The following ARHGEF26 variants were observed in gnomAD, a reference collection of about 807,000 sequenced individuals.
The protein encoded by ARHGEF26 is Rho guanine nucleotide exchange factor (GEF) 26.
A neutral mutation model predicts 89.4 loss-of-function variants in ARHGEF26; 59 were observed. That is an observed-to-expected ratio of 0.66 (90% CI 0.54 to 0.82). The LOEUF (loss-of-function observed/expected upper bound fraction) is 0.82, where lower values mean the gene tolerates loss of function less well. Among genes scored for constraint, ARHGEF26 ranks in the 40% least tolerant of loss-of-function variants. The pLI is 0.00. For missense variants in ARHGEF26, 1,234 were observed against 1,085.6 expected (o/e 1.14, Z -1.92); for synonymous variants, 500 against 428.4 (o/e 1.17, Z -2.06).
Position 154,140,683 on chromosome 3 carries a change from C to T in ARHGEF26, c.1270-8706C>T, listed in dbSNP as rs116448073. Among the ~76,000 whole-genome samples, 1,092 of 150,496 alleles carry T rather than the reference C, an allele frequency of 7.3e-3. 14 individuals are homozygous for T. The highest frequency in any genetic ancestry group is 0.025 in the African/African-American group (1,042 of 40,930). On this transcript the variant is annotated intron_variant, in intron 4 of 14. Coordinates refer to ENST00000465093, the MANE Select transcript of ARHGEF26 (RefSeq NM_015595.4). The stretch of plus-strand genomic sequence containing the variant: ...CACTGCAACCTCCGCCTCCCATAAG[C>T]GATTCTTCTGCCTCAGCCTCCTGAG...
Position 154,256,526 on chromosome 3 carries a change from C to T in ARHGEF26, c.*1053C>T. 1 of 960,356 alleles carries T rather than the reference C, an allele frequency of 1.0e-6. No individual in the cohort carries two copies. Among genetic ancestry groups the T allele is most frequent in the Non-Finnish European group, 1.2e-6 (1 of 811,012 alleles). 59.5% of individuals were successfully genotyped at this position (960,356 alleles called of 1,614,324 possible). ...GGGATTATAGGCATGAGCCACCGTG[C>T]CCAGCCTACTTTCTAATTAATTAAA... On this transcript the variant is annotated 3_prime_UTR_variant, in exon 15 of 15. Coordinates refer to ENST00000465093, the MANE Select transcript of ARHGEF26 (RefSeq NM_015595.4).
intron 11 of ARHGEF26, among the ~76,000 whole-genome samples, chr3:154,237,184 A>C (rs1190140744): frequency 6.6e-6 from 1 of 152,186 alleles, no homozygotes; most frequent in Non-Finnish European, 1.5e-5. Flanking sequence ...CAATTAATAA[A>C]CATTTTAAAA....
chr3:154,139,129 T>C (rs934479525), intron 4 of ARHGEF26, among the ~76,000 whole-genome samples: 4 of 151,862 alleles, frequency 2.6e-5, no homozygotes, highest in Non-Finnish European at 1.5e-5. Context: ...GAGTCTCAGG[T>C]AGAGAAAATG....
chr3:154,221,972 G>GC (rs1716158940), intron 10 of ARHGEF26, among the ~76,000 whole-genome samples: 1 of 152,152 alleles, frequency 6.6e-6, no homozygotes, highest in Non-Finnish European at 1.5e-5. Context: ...AATATTGGTT[G>GC]CAAATTTACT....
intron 3 of ARHGEF26, among the ~76,000 whole-genome samples, chr3:154,126,733 C>G (rs1340998673): frequency 1.3e-5 from 2 of 152,194 alleles, no homozygotes; most frequent in African/African-American, 2.4e-5. Context: ...ACTGTGGCCA[C>G]TAGACATACC....
chr3:154,251,356 C>T (rs1300133566), intron 12 of ARHGEF26, among the ~76,000 whole-genome samples: 1 of 152,208 alleles, frequency 6.6e-6, no homozygotes, highest in African/African-American at 2.4e-5. Flanking sequence ...TTATTTAGAA[C>T]AAGGCCCAAT....
chr3:154,256,616 T>C lies in ARHGEF26; in HGVS notation c.*1143T>C. 8.9e-7 allele frequency: 1 copy of C among 1,119,218 alleles called. No homozygotes were observed. Among genetic ancestry groups the C allele is most frequent in the South Asian group, 4.5e-5 (1 of 22,448 alleles). 69.3% of individuals were successfully genotyped at this position (1,119,218 alleles called of 1,614,324 possible). Reference sequence around the variant, plus strand: ...TGATAAAAAACTGACGTGAGGCTGCTTTGCCTTCAATAATACCTAGTTTTC... The same window carrying C: ...TGATAAAAAACTGACGTGAGGCTGCCTTGCCTTCAATAATACCTAGTTTTC... On this transcript the variant is annotated 3_prime_UTR_variant, in exon 15 of 15. Coordinates refer to ENST00000465093, the MANE Select transcript of ARHGEF26 (RefSeq NM_015595.4).
chr3:154,195,834 G>A (rs146128800), intron 9 of ARHGEF26, among the ~76,000 whole-genome samples: 32 of 152,096 alleles, frequency 2.1e-4, no homozygotes, highest in Non-Finnish European at 4.4e-5. Context: ...TACTTAGGGA[G>A]ACTGGAATGA....
chr3:154,227,217 C>G (rs551909506), intron 11 of ARHGEF26, among the ~76,000 whole-genome samples: 1 of 151,806 alleles, frequency 6.6e-6, no homozygotes, highest in Admixed American at 6.6e-5. Flanking sequence ...TAGGAAAATT[C>G]TATTTCCATA....
At chr3:154,234,892 A>T (rs915884164) in intron 11 of ARHGEF26, among the ~76,000 whole-genome samples, 5 of 152,094 alleles carry the variant, frequency 3.3e-5, no homozygotes, top group African/African-American at 1.2e-4. Context: ...CAGCCTCCTG[A>T]GTAGCTGGGA....
chr3:154,152,203 T>C (rs1720064651), intron 5 of ARHGEF26, among the ~76,000 whole-genome samples: 1 of 152,192 alleles, frequency 6.6e-6, no homozygotes, highest in South Asian at 2.1e-4. Context: ...ATTCCTGTGG[T>C]TGATAAGAAC....
intron 2 of ARHGEF26, among the ~76,000 whole-genome samples, chr3:154,123,481 T>C (rs747812823): frequency 2.0e-5 from 3 of 152,220 alleles, no homozygotes; most frequent in African/African-American, 7.2e-5. Context: ...ATAGCTGTTA[T>C]CACAGCTGAT....
intron 9 of ARHGEF26, among the ~76,000 whole-genome samples, chr3:154,198,734 G>GGA (rs374352267): frequency 6.6e-6 from 1 of 152,106 alleles, no homozygotes. Flanking sequence ...GGGAGAAGGG[G>GGA]GAAAAGGGCT....
intron 8 of ARHGEF26, among the ~76,000 whole-genome samples, chr3:154,191,768 G>A (rs1713972822): frequency 6.6e-6 from 1 of 152,004 alleles, no homozygotes; most frequent in South Asian, 2.1e-4. Flanking sequence ...AGTCTCTTTG[G>A]GCCTAAGATT....
intron 5 of ARHGEF26, among the ~76,000 whole-genome samples, chr3:154,151,220 A>G (rs1047773343): frequency 2.0e-5 from 3 of 152,218 alleles, no homozygotes; most frequent in Non-Finnish European, 4.4e-5. Flanking sequence ...AGCCAAATGC[A>G]TGAGACATTA....
At position 154,176,909 on chromosome 3, in the gene ARHGEF26, G is replaced by A. The variant is rs556063319; in HGVS notation, c.1488-10776G>A. ...TCCTCTTGCCTCAGTCTCCTGAATA[G>A]CTAAAATTATAGGCATACACCTCTG... is the stretch of plus-strand genomic sequence containing the variant. On this transcript the variant is annotated intron_variant, in intron 6 of 14. Coordinates refer to ENST00000465093, the MANE Select transcript of ARHGEF26 (RefSeq NM_015595.4). Among the ~76,000 whole-genome samples the A allele has an allele frequency of 3.7e-3, 561 of 152,278 alleles. 1 individual carries two copies. Among genetic ancestry groups the A allele is most frequent in the Non-Finnish European group, 5.4e-3 (369 of 68,016 alleles).
intron 9 of ARHGEF26, 43 bp from the exon 10 acceptor site, chr3:154,217,826 C>G: frequency 6.8e-7 from 1 of 1,466,946 alleles, no homozygotes; most frequent in Non-Finnish European, 9.4e-7. Context: ...AGTGAGGTTT[C>G]TCTCCTTGAC....
intron 10 of ARHGEF26, among the ~76,000 whole-genome samples, chr3:154,225,087 T>G (rs1716401865): frequency 6.6e-6 from 1 of 152,094 alleles, no homozygotes; most frequent in Non-Finnish European, 1.5e-5. Context: ...GGGTAAGGAT[T>G]GTTCTGTAGT....
At chr3:154,182,414 A>G (rs1361573962) in intron 6 of ARHGEF26, among the ~76,000 whole-genome samples, 1 of 152,166 alleles carries the variant, frequency 6.6e-6, no homozygotes, top group African/African-American at 2.4e-5. Flanking sequence ...CTGTAAACCA[A>G]TATTTGATCA....
Sources: allele counts gnomAD v4.1 joint callset (sites outside exome capture counted in the v4.1 genomes callset), GRCh38; gene constraint gnomAD v4.1.1; transcripts MANE v1.5; gene names NCBI Gene and HGNC (gene_info 2026-07-23, HGNC 2026-07-21).